The following SNTG1 variants were observed in gnomAD, a reference collection of about 807,000 sequenced individuals.
SNTG1 encodes gamma-1-syntrophin.
Under a neutral mutation model 74.7 loss-of-function variants are expected in SNTG1, and 39 were observed. That is an observed-to-expected ratio of 0.52 (90% CI 0.40 to 0.68). SNTG1 has a LOEUF of 0.68. SNTG1 is among the 30% of genes least tolerant of loss of function. The pLI is 0.00. For missense variants in SNTG1, 685 were observed against 609.5 expected (o/e 1.12, Z -1.30); for synonymous variants, 254 against 217.1 (o/e 1.17, Z -1.49).
At chr8:50,768,396 G>C (rs550694448) in intron 18 of SNTG1, among the ~76,000 whole-genome samples, 1 of 151,918 alleles carries the variant, frequency 6.6e-6, no homozygotes, top group South Asian at 2.1e-4. Flanking sequence ...GGAACACTTT[G>C]GATGCTCAGT....
At chr8:50,651,367 A>T (rs530825018) in intron 13 of SNTG1, among the ~76,000 whole-genome samples, 15 of 152,268 alleles carry the variant, frequency 9.9e-5, no homozygotes, top group African/African-American at 3.6e-4. Context: ...TATAAGATAT[A>T]AAAGCCCAAG....
intron 1 of SNTG1, among the ~76,000 whole-genome samples, chr8:49,982,899 T>G (rs530330969): frequency 1.3e-5 from 2 of 152,202 alleles, no homozygotes; most frequent in African/African-American, 4.8e-5. Context: ...TACAGTAAAA[T>G]TGATGTAATC....
intron 12 of SNTG1, among the ~76,000 whole-genome samples, chr8:50,560,649 A>G (rs1019901961): frequency 6.6e-6 from 1 of 152,188 alleles, no homozygotes; most frequent in Non-Finnish European, 1.5e-5. Flanking sequence ...CTTCTTACTT[A>G]TAAGCAGGAA....
At chr8:50,405,682 G>C (rs191322202) in intron 4 of SNTG1, among the ~76,000 whole-genome samples, 1 of 151,750 alleles carries the variant, frequency 6.6e-6, no homozygotes, top group Admixed American at 6.6e-5. Context: ...TCTATTGGTC[G>C]TACCTTTTAT....
intron 2 of SNTG1, among the ~76,000 whole-genome samples, chr8:50,391,873 T>C (rs572139773): frequency 4.6e-5 from 7 of 152,102 alleles, no homozygotes; most frequent in Admixed American, 3.3e-4. Context: ...AACCACACTA[T>C]AATAGTTAAA....
chr8:49,985,548 T>G (rs1272330063), intron 1 of SNTG1, among the ~76,000 whole-genome samples: 1 of 152,202 alleles, frequency 6.6e-6, no homozygotes, highest in Non-Finnish European at 1.5e-5. Flanking sequence ...AGGCTTTTAG[T>G]TATAGATGAC....
At chr8:50,382,861 T>C (rs1367458032) in intron 2 of SNTG1, among the ~76,000 whole-genome samples, 1 of 152,188 alleles carries the variant, frequency 6.6e-6, no homozygotes, top group African/African-American at 2.4e-5. Flanking sequence ...GTCCAAATTC[T>C]GTAGGGTAGG....
intron 1 of SNTG1, among the ~76,000 whole-genome samples, chr8:50,010,792 T>TG (rs1396496717): frequency 1.3e-5 from 2 of 149,134 alleles, no homozygotes; most frequent in African/African-American, 4.9e-5. Flanking sequence ...TCTCTTTTTT[T>TG]TTTTTTTTTT....
chr8:50,522,290 T>A (rs189401649), intron 9 of SNTG1, among the ~76,000 whole-genome samples: 2 of 152,158 alleles, frequency 1.3e-5, no homozygotes, highest in African/African-American at 4.8e-5. Flanking sequence ...GAAAGGAATG[T>A]GTTTTGATGT....
At chr8:50,154,855 A>C (rs1394963895) in intron 1 of SNTG1, among the ~76,000 whole-genome samples, 2 of 152,208 alleles carry the variant, frequency 1.3e-5, no homozygotes, top group Non-Finnish European at 2.9e-5. Flanking sequence ...CAGTGAAAGA[A>C]GACATTAGTG....
intron 2 of SNTG1, among the ~76,000 whole-genome samples, chr8:50,251,527 GAA>G (rs1217877112): frequency 6.6e-6 from 1 of 151,578 alleles, no homozygotes; most frequent in Non-Finnish European, 1.5e-5. Context: ...TAAAAGGATG[GAA>G]AAATATATTT....
At chr8:49,996,026 G>T (rs1291022500) in intron 1 of SNTG1, among the ~76,000 whole-genome samples, 1 of 152,076 alleles carries the variant, frequency 6.6e-6, no homozygotes, top group East Asian at 1.9e-4. Context: ...CAATTTTACA[G>T]AAAAAGATGA....
chr8:50,158,977 G>T (rs1481012586), intron 1 of SNTG1, among the ~76,000 whole-genome samples: 4 of 152,082 alleles, frequency 2.6e-5, no homozygotes, highest in African/African-American at 9.7e-5. Context: ...TTAGTCTCAA[G>T]CATTTATTGT....
In SNTG1 at chr8:50,395,506, G is replaced by GGATTTT. The variant is rs58030144; in HGVS notation, c.27+1241_27+1242insGATTTT. On this transcript the variant is annotated intron_variant, in intron 3 of 18. Transcript: ENST00000642720. ...TTTAAATTTTAATTGTCTAATTTCT[G>GGATTTT]TTTTTTTTTTTTTTTTTAATGGAGT... is the stretch of plus-strand genomic sequence containing the variant. 7.8e-3 allele frequency among the ~76,000 whole-genome samples: 1,057 copies of GGATTTT among 135,666 alleles called. 16 individuals carry two copies. Among genetic ancestry groups the GGATTTT allele is most frequent in the African/African-American group, 0.028 (1,005 of 36,466 alleles). The allele number at this position is 135,666 out of a possible 152,430, so 89.0% of individuals were successfully genotyped here. A position where few individuals can be genotyped will look rare whatever the true frequency, so the allele number is the denominator to read the frequency against.
Position 50,665,849 on chromosome 8 carries a change from C to T in SNTG1, c.1038+7186C>T, listed in dbSNP as rs151067363. On this transcript the variant is annotated intron_variant, in intron 15 of 18. Coordinates refer to ENST00000642720, the MANE Select transcript of SNTG1 (RefSeq NM_018967.5). ...AAGAAGTGAAAAATGTGACAAGGGACAAAGAACTTACTTAGTTTCAAAGTA... is the reference window on the plus strand; with the variant it reads ...AAGAAGTGAAAAATGTGACAAGGGATAAAGAACTTACTTAGTTTCAAAGTA... Among the ~76,000 whole-genome samples the T allele has an allele frequency of 9.4e-3, 1,429 of 152,162 alleles. 16 individuals are homozygous for T. The highest frequency in any genetic ancestry group is 0.016 in the Non-Finnish European group (1,099 of 67,996).
intron 8 of SNTG1, among the ~76,000 whole-genome samples, chr8:50,469,257 C>G (rs1010402052): frequency 6.6e-6 from 1 of 152,124 alleles, no homozygotes; most frequent in Non-Finnish European, 1.5e-5. Context: ...GGGACACAGG[C>G]TTCTGTTGGT....
At chr8:49,919,380 G>T (rs1030540234) in intron 1 of SNTG1, among the ~76,000 whole-genome samples, 1 of 152,060 alleles carries the variant, frequency 6.6e-6, no homozygotes, top group Non-Finnish European at 1.5e-5. Context: ...GACTAGCATA[G>T]TGCAGTTTTC....
At chr8:50,655,997 T>G (rs2095177851) in intron 13 of SNTG1, among the ~76,000 whole-genome samples, 1 of 152,266 alleles carries the variant, frequency 6.6e-6, no homozygotes, top group African/African-American at 2.4e-5. Context: ...AAGCTAACTC[T>G]ACTTGCGACA....
At chr8:49,945,300 T>A (rs1349629953) in intron 1 of SNTG1, among the ~76,000 whole-genome samples, 1 of 152,178 alleles carries the variant, frequency 6.6e-6, no homozygotes, top group Admixed American at 6.5e-5. Flanking sequence ...AGGATTGCCC[T>A]CCTTGCAATG....
Sources: gnomAD v4.1 joint callset for allele counts (sites outside exome capture counted in the v4.1 genomes callset) on GRCh38, gnomAD v4.1.1 for gene constraint, MANE v1.5 for transcripts, NCBI Gene and HGNC (gene_info 2026-07-23, HGNC 2026-07-21) for gene names.